Variants in NAV3 observed in about 807,000 individuals in gnomAD.
NAV3 encodes pore membrane and/or filament interacting like protein 1.
A neutral mutation model predicts 244.7 loss-of-function variants in NAV3; 87 were observed. The observed-to-expected ratio is 0.36, with a 90% CI of 0.30 to 0.42. The LOEUF (loss-of-function observed/expected upper bound fraction) is 0.42, where lower values mean the gene tolerates loss of function less well. Ranked by LOEUF, NAV3 falls within the 20% of genes least tolerant of loss-of-function variation. The pLI, the probability that NAV3 is intolerant of heterozygous loss-of-function variation, is 1.00. For synonymous variants in NAV3, 1,126 were observed against 1,042.2 expected (o/e 1.08, Z -1.55); for missense variants, 2,663 against 2,893.3 (o/e 0.92, Z 1.83).
chr12:77,990,047 T>G (rs1294355864), intron 5 of NAV3, among the ~76,000 whole-genome samples: 1 of 152,244 alleles, frequency 6.6e-6, no homozygotes, highest in Non-Finnish European at 1.5e-5. Context: ...AAATTAAGTA[T>G]ATATCTGTGA....
chr12:77,626,397 A>G (rs576756344), intron 2 of NAV3, among the ~76,000 whole-genome samples: 2 of 152,340 alleles, frequency 1.3e-5, no homozygotes, highest in South Asian at 4.1e-4. Context: ...TTACAAAATA[A>G]TAGCTGACAA....
chr12:77,809,039 C>T (rs544598014), intron 2 of NAV3, among the ~76,000 whole-genome samples: 3 of 152,226 alleles, frequency 2.0e-5, no homozygotes, highest in Admixed American at 6.5e-5. Flanking sequence ...GATCAAGCAT[C>T]GCAGGTCGAC....
intron 1 of NAV3, among the ~76,000 whole-genome samples, chr12:77,916,043 G>A (rs1887110225): frequency 6.6e-6 from 1 of 152,040 alleles, no homozygotes; most frequent in African/African-American, 2.4e-5. Context: ...GGAAGAGGCT[G>A]TTTTATCAAG....
chr12:77,586,414 CTG>C (rs1403777200), intron 2 of NAV3, among the ~76,000 whole-genome samples: 2 of 152,134 alleles, frequency 1.3e-5, no homozygotes, highest in Admixed American at 6.5e-5. Context: ...TTAGCACACA[CTG>C]TTGTTTTATT....
intron 18 of NAV3, among the ~76,000 whole-genome samples, chr12:78,135,115 T>G (rs1161319860): frequency 6.6e-6 from 1 of 152,218 alleles, no homozygotes; most frequent in African/African-American, 2.4e-5. Flanking sequence ...CTTTACCAAT[T>G]TGTGTTCCAT....
At chr12:77,810,188 T>C (rs1156925689) in intron 2 of NAV3, among the ~76,000 whole-genome samples, 1 of 152,214 alleles carries the variant, frequency 6.6e-6, no homozygotes, top group Non-Finnish European at 1.5e-5. Context: ...TTGTTTGTTT[T>C]TGAGACGGAG....
chr12:77,819,406 C>T (rs1872644298), intron 2 of NAV3, among the ~76,000 whole-genome samples: 1 of 151,500 alleles, frequency 6.6e-6, no homozygotes, highest in African/African-American at 2.4e-5. Context: ...AGGTGAAAAT[C>T]TAGTATGTCA....
At chr12:77,683,507 C>A (rs1287988235) in intron 2 of NAV3, among the ~76,000 whole-genome samples, 2 of 151,838 alleles carry the variant, frequency 1.3e-5, no homozygotes, top group Non-Finnish European at 2.9e-5. Flanking sequence ...TATTTGGGAT[C>A]TTTTGTGATT....
At chr12:78,078,679 G>A (rs977361202) in intron 12 of NAV3, among the ~76,000 whole-genome samples, 28 of 152,178 alleles carry the variant, frequency 1.8e-4, no homozygotes, top group African/African-American at 6.3e-4. Context: ...ATAGGCGTGA[G>A]CCACCGCGCC....
At chr12:78,008,961 A>C (rs1874740070) in intron 8 of NAV3, among the ~76,000 whole-genome samples, 1 of 152,220 alleles carries the variant, frequency 6.6e-6, no homozygotes, top group Admixed American at 6.5e-5. Context: ...TACTCAGCAC[A>C]CTTTTGGATT....
At chr12:77,967,685 A>T (rs997136589) in intron 4 of NAV3, among the ~76,000 whole-genome samples, 4 of 152,024 alleles carry the variant, frequency 2.6e-5, no homozygotes, top group Non-Finnish European at 5.9e-5. Context: ...CTATTTTTTT[A>T]AGTTATAACT....
chr12:78,085,379 C>G (rs528434376), intron 12 of NAV3, among the ~76,000 whole-genome samples: 6 of 152,238 alleles, frequency 3.9e-5, no homozygotes, highest in African/African-American at 1.4e-4. Flanking sequence ...TACACAGACC[C>G]TTAAAGGTTC....
At chr12:78,132,768 A>C (rs1385509433) in intron 18 of NAV3, among the ~76,000 whole-genome samples, 1 of 152,014 alleles carries the variant, frequency 6.6e-6, no homozygotes, top group Non-Finnish European at 1.5e-5. Context: ...TCTGTCTGAG[A>C]CCTTTTTCAG....
rs780099370 is a variant in NAV3, at chr12:78,188,198, A to G, written c.5791-50A>G. Reference sequence around the variant, plus strand: ...AATTTTAGTAGAAAATGTAGTAATAAAAAAGATACACGGTTGGATTTTATC... The same window carrying G: ...AATTTTAGTAGAAAATGTAGTAATAGAAAAGATACACGGTTGGATTTTATC... On this transcript the variant is annotated intron_variant, in intron 31 of 39. Coordinates refer to ENST00000397909, the MANE Select transcript of NAV3 (RefSeq NM_001024383.2). 1.3e-5 allele frequency: 17 copies of G among 1,355,976 alleles called. No individual in the cohort carries two copies. The East Asian group carries it at 3.5e-4, about 28-fold the overall frequency. The allele number at this position is 1,355,976 out of a possible 1,614,324, so 84.0% of individuals were successfully genotyped here. A position where few individuals can be genotyped will look rare whatever the true frequency, so the allele number is the denominator to read the frequency against.
chr12:77,850,876 G>A (rs1011610271), intron 1 of NAV3, among the ~76,000 whole-genome samples: 7 of 152,140 alleles, frequency 4.6e-5, no homozygotes, highest in Non-Finnish European at 1.0e-4. Context: ...TGTGCTGTGA[G>A]ACTTGGGCTA....
At chr12:78,117,453 C>T (rs1463546296) in intron 13 of NAV3, among the ~76,000 whole-genome samples, 3 of 110,738 alleles carry the variant, frequency 2.7e-5, no homozygotes, top group African/African-American at 9.8e-5. Flanking sequence ...GATAACTACA[C>T]CACCAAGCTA....
rs569155641 is a variant in NAV3 at position 78,148,359 on chromosome 12, C to T, written c.4708-483C>T. Among the ~76,000 whole-genome samples the T allele has an allele frequency of 2.0e-5, 3 of 151,658 alleles. No homozygotes were observed. The South Asian group carries it at 6.2e-4, about 32-fold the overall frequency. On this transcript the variant is annotated intron_variant, in intron 21 of 39. Transcript: ENST00000397909. ...TTAGTGATTGCAGGATATTCCATAG[C>T]CTTTGAGAAGTTTTCAAACTATGAG... is the stretch of plus-strand genomic sequence containing the variant.
intron 5 of NAV3, among the ~76,000 whole-genome samples, chr12:77,991,801 G>C (rs11107725): frequency 0.12 from 17,523 of 152,212 alleles, 1,179 homozygotes; most frequent in South Asian, 0.15. Context: ...GGGAGGCCGA[G>C]GTGAGCGGAT....
chr12:77,856,888 T>C (rs1878469524), intron 1 of NAV3, among the ~76,000 whole-genome samples: 1 of 152,160 alleles, frequency 6.6e-6, no homozygotes, highest in Non-Finnish European at 1.5e-5. Flanking sequence ...CTTGAGTGGA[T>C]CTAAATTTTT....
Sources: allele counts gnomAD v4.1 joint callset (sites outside exome capture counted in the v4.1 genomes callset), GRCh38; gene constraint gnomAD v4.1.1; transcripts MANE v1.5; gene names NCBI Gene and HGNC (gene_info 2026-07-23, HGNC 2026-07-21).